Variants in ZMPSTE24 observed in about 807,000 individuals in gnomAD.
ZMPSTE24 encodes CAAX prenyl protease 1 homolog.
In ZMPSTE24, 48 loss-of-function variants were observed where a neutral mutation model predicts 56.7. The ratio of observed to expected loss-of-function variants is 0.85; its 90% CI spans 0.67 to 1.08. The LOEUF (loss-of-function observed/expected upper bound fraction) is 1.08. ZMPSTE24 is among the 50% of genes least tolerant of loss of function. The pLI is 0.00. For synonymous variants in ZMPSTE24, 172 were observed against 195.2 expected (o/e 0.88, Z 0.99); for missense variants, 503 against 548.7 (o/e 0.92, Z 0.83).
intron 2 of ZMPSTE24, among the ~76,000 whole-genome samples, chr1:40,264,451 T>G (rs1161063203): frequency 6.6e-6 from 1 of 152,226 alleles, no homozygotes; most frequent in Non-Finnish European, 1.5e-5. Context: ...TAGGAATTAC[T>G]TAGTCATTGG....
chr1:40,269,536 T>C (rs1643591831), intron 4 of ZMPSTE24, among the ~76,000 whole-genome samples: 1 of 152,230 alleles, frequency 6.6e-6, no homozygotes, highest in Admixed American at 6.5e-5. Context: ...CATGGCTCAC[T>C]GTAGCCACGA....
At chr1:40,261,010 A>G in intron 2 of ZMPSTE24, 25 bp downstream of exon 2, 1 of 1,613,794 alleles carries the variant, frequency 6.2e-7, no homozygotes, top group South Asian at 1.1e-5. Context: ...TCTTGGAGAG[A>G]CAGTCTGTCT....
chr1:40,281,106 G>A (rs1410920231), intron 6 of ZMPSTE24, among the ~76,000 whole-genome samples: 2 of 152,038 alleles, frequency 1.3e-5, no homozygotes, highest in African/African-American at 4.8e-5. Flanking sequence ...TGTAACTGTT[G>A]GATGTTTAGG....
At position 40,280,791 on chromosome 1, in the gene ZMPSTE24, T is replaced by TAA. The variant is rs763084090; in HGVS notation, c.770-552_770-551insAA. Among the ~76,000 whole-genome samples, 12 of 152,352 alleles carry TAA rather than the reference T, an allele frequency of 7.9e-5. 1 individual carries two copies. The highest frequency in any genetic ancestry group is 3.9e-4 in the East Asian group (2 of 5,194). On this transcript the variant is annotated intron_variant, in intron 6 of 9. Transcript: ENST00000372759. ...TAAATATAAAATAAACAGCAAGTAA[T>TAA]GTCATTAGCAAAAAACATAAAGTGA...
chr1:40,292,302 G>C, intron 9 of ZMPSTE24, 143 bp from the exon 10 acceptor site: 1 of 751,620 alleles, frequency 1.3e-6, no homozygotes. Flanking sequence ...CTCACCCTAG[G>C]TCCCCTAAAT....
chr1:40,285,802 CA>C, intron 7 of ZMPSTE24, 122 bp from the exon 8 acceptor site: 2 of 767,674 alleles, frequency 2.6e-6, no homozygotes, highest in Non-Finnish European at 4.2e-6. Context: ...TTAAGACAAT[CA>C]ACAGTTTTGA....
At chr1:40,284,788 A>G (rs1643768159) in intron 7 of ZMPSTE24, among the ~76,000 whole-genome samples, 1 of 152,164 alleles carries the variant, frequency 6.6e-6, no homozygotes, top group African/African-American at 2.4e-5. Context: ...ACATTTGTAT[A>G]TACTTTCAGT....
intron 1 of ZMPSTE24, among the ~76,000 whole-genome samples, 162 bp from the exon 2 acceptor site, chr1:40,260,677 C>T (rs1257048373): frequency 6.6e-6 from 1 of 152,180 alleles, no homozygotes; most frequent in Non-Finnish European, 1.5e-5. Context: ...TATTTTCCTG[C>T]ATCAGTCGTT....
chr1:40,258,846 A>AAC (rs1557771730), intron 1 of ZMPSTE24, among the ~76,000 whole-genome samples: 8 of 152,084 alleles, frequency 5.3e-5, no homozygotes, highest in African/African-American at 1.9e-4. Flanking sequence ...TCTGCTTGAA[A>AAC]AAACAAACAA....
Position 40,267,810 on chromosome 1 carries a change from C to T in ZMPSTE24, c.295C>T (p.Pro99Ser), listed in dbSNP as rs1325703273. The change falls in exon 3 of 10, where the codon CCT (proline) becomes TCT (serine). Residue 99 changes from proline (P) to serine (S), a missense_variant. Pro to Ser is a moderately conservative substitution (Grantham distance 74, BLOSUM62 -1). Coordinates refer to ENST00000372759, the MANE Select transcript of ZMPSTE24 (RefSeq NM_005857.5). ...GTLILLFGGI[P>S]YLWRLSGRFC... ...GCTTATTCTTCTCTTTGGAGGAATACCTTATCTCTGGAGACTTTCTGGACG... is the reference window on the plus strand; with the variant it reads ...GCTTATTCTTCTCTTTGGAGGAATATCTTATCTCTGGAGACTTTCTGGACG... 2.5e-6 allele frequency: 4 copies of T among 1,613,428 alleles called. No individual in the cohort carries two copies. Among genetic ancestry groups the T allele is most frequent in the Non-Finnish European group, 3.4e-6 (4 of 1,179,616 alleles).
chr1:40,287,269 A>G (rs545876647), intron 8 of ZMPSTE24, among the ~76,000 whole-genome samples: 2 of 151,496 alleles, frequency 1.3e-5, no homozygotes, highest in South Asian at 4.2e-4. Flanking sequence ...GGTTTTCACT[A>G]TGTTGTCCAG....
chr1:40,258,664 C>T (rs897200584), intron 1 of ZMPSTE24, among the ~76,000 whole-genome samples: 5 of 152,142 alleles, frequency 3.3e-5, no homozygotes, highest in Non-Finnish European at 5.9e-5. Context: ...CCTGCAGCTT[C>T]CTTGGGATCC....
intron 5 of ZMPSTE24, among the ~76,000 whole-genome samples, chr1:40,270,888 G>A (rs1643608126): frequency 6.6e-6 from 1 of 152,170 alleles, no homozygotes; most frequent in Non-Finnish European, 1.5e-5. Flanking sequence ...GGAAGCCAAG[G>A]TGGGAGGATT....
chr1:40,288,945 G>A (rs968137391), intron 8 of ZMPSTE24, among the ~76,000 whole-genome samples: 1 of 151,946 alleles, frequency 6.6e-6, no homozygotes, highest in South Asian at 2.1e-4. Flanking sequence ...TCACCTCACC[G>A]AGAGTAATTC....
At position 40,292,471 on chromosome 1, in the gene ZMPSTE24, A is replaced by T; in HGVS notation, c.1230A>T (p.Leu410=). The change falls in exon 10 of 10, where the codon CTA becomes CTT. Residue 410 remains leucine (L), a synonymous_variant. Transcript: ENST00000372759. The part of the protein sequence containing the change: ...NEVLSFCLTV[L]SRRFEFQADA... ...TTCTTTCTTTTTGCCTAACAGTCCT[A>T]AGCCGCAGATTTGAGTTTCAAGCTG... The T allele has an allele frequency of 6.2e-7, 1 of 1,614,120 alleles. No individual in the cohort carries two copies. The highest frequency in any genetic ancestry group is 8.5e-7 in the Non-Finnish European group (1 of 1,180,018).
chr1:40,271,767 G>A, intron 5 of ZMPSTE24, 127 bp from the exon 6 acceptor site: 1 of 1,004,638 alleles, frequency 1.0e-6, no homozygotes, highest in Non-Finnish European at 1.4e-6. Flanking sequence ...GAATACCAGA[G>A]CAAGTAAGTT....
Position 40,292,815 on chromosome 1 carries a change from A to C in ZMPSTE24, c.*146A>C, listed in dbSNP as rs542143414. 1 of 627,872 alleles carries C rather than the reference A, an allele frequency of 1.6e-6. No homozygotes were observed. Among genetic ancestry groups the C allele is most frequent in the East Asian group, 2.9e-5 (1 of 34,204 alleles). The allele number at this position is 627,872 out of a possible 1,614,324, so 38.9% of individuals were successfully genotyped here. Reference sequence around the variant, plus strand: ...TTAAATACATTTAATATGTCATTTTAAAAATGATTTTAATAATTCATTTCT... The same window carrying C: ...TTAAATACATTTAATATGTCATTTTCAAAATGATTTTAATAATTCATTTCT... On this transcript the variant is annotated 3_prime_UTR_variant, in exon 10 of 10. Transcript: ENST00000372759.
chr1:40,288,661 A>C (rs2123997167), intron 8 of ZMPSTE24, among the ~76,000 whole-genome samples: 1 of 152,324 alleles, frequency 6.6e-6, no homozygotes, highest in South Asian at 2.1e-4. Flanking sequence ...TGTCTTCCCC[A>C]CTTGACCAAG....
intron 8 of ZMPSTE24, among the ~76,000 whole-genome samples, 194 bp downstream of exon 8, chr1:40,286,223 G>C (rs1643785858): frequency 6.6e-6 from 1 of 152,078 alleles, no homozygotes; most frequent in South Asian, 2.1e-4. Flanking sequence ...TCCCCTCATT[G>C]AATGATAATA....
Sources: allele counts gnomAD v4.1 joint callset (sites outside exome capture counted in the v4.1 genomes callset), GRCh38; gene constraint gnomAD v4.1.1; transcripts MANE v1.5; gene names NCBI Gene and HGNC (gene_info 2026-07-23, HGNC 2026-07-21).